Variants in RAET1G observed in about 807,000 individuals in gnomAD.
RAET1G encodes the protein retinoic acid early transcript 1G.
In RAET1G, 25 loss-of-function variants were observed where a neutral mutation model predicts 29.5. The ratio of observed to expected loss-of-function variants is 0.85; its 90% confidence interval spans 0.62 to 1.18. RAET1G has a LOEUF of 1.18. Among genes scored for constraint, RAET1G ranks in the 50% most tolerant of loss-of-function variants. The pLI, the probability that RAET1G is intolerant of heterozygous loss-of-function variation, is 0.00. For missense variants in RAET1G, 434 were observed against 423.6 expected (o/e 1.02, Z -0.22); for synonymous variants, 167 against 159.5 (o/e 1.05, Z -0.36).
intron 3 of RAET1G, chr6:149,918,821 A>C (rs1582798662): frequency 1.4e-6 from 1 of 694,228 alleles, no homozygotes; most frequent in East Asian, 2.7e-5. Context: ...CAGTGTGGGG[A>C]ACAGAAGCAA....
chr6:149,921,589 T>C (rs918944408), intron 1 of RAET1G, among the ~76,000 whole-genome samples: 1 of 152,154 alleles, frequency 6.6e-6, no homozygotes, highest in Non-Finnish European at 1.5e-5. Context: ...TGGCCCCGAT[T>C]CCCAGGACAC....
rs1778458037 is a variant in RAET1G, at chr6:149,917,034, T to C, written c.883A>G (p.Thr295Ala). The change falls in exon 5 of 5, where the codon ACT (threonine) becomes GCT (alanine). Residue 295 changes from threonine (T) to alanine (A), a missense_variant. Physicochemically the swap from Thr to Ala is moderately conservative, Grantham distance 58. Coordinates refer to ENST00000367360, the MANE Select transcript of RAET1G (RefSeq NM_001001788.4). ...AKRPLSGGHV[T>A]RVTLPIIGDD... ...CCAATGATAGGTAAAGTCACGCGAG[T>C]CACGTGTCCACCAGACAAGGGGCGC... 1.3e-6 allele frequency: 2 copies of C among 1,549,654 alleles called. No individual in the cohort carries two copies. The highest frequency in any genetic ancestry group is 2.7e-5 in the African/African-American group (2 of 72,976).
intron 3 of RAET1G, 89 bp downstream of exon 3, chr6:149,918,954 G>A (rs1307653242): frequency 1.2e-5 from 19 of 1,580,028 alleles, no homozygotes; most frequent in Non-Finnish European, 1.5e-5. Context: ...GTGTACACTG[G>A]GATGATTGAA....
intron 4 of RAET1G, among the ~76,000 whole-genome samples, chr6:149,917,346 G>A (rs1342808254): frequency 1.3e-5 from 2 of 152,192 alleles, no homozygotes; most frequent in Non-Finnish European, 2.9e-5. Context: ...CCGGGGAAAG[G>A]GAAACTCCTT....
At chr6:149,922,189 C>G (rs1778612727) in intron 1 of RAET1G, among the ~76,000 whole-genome samples, 1 of 152,204 alleles carries the variant, frequency 6.6e-6, no homozygotes, top group Non-Finnish European at 1.5e-5. Context: ...CCCATCCCCC[C>G]TGCACAGGTT....
intron 1 of RAET1G, 116 bp downstream of exon 1, chr6:149,922,810 C>G: frequency 3.0e-6 from 2 of 664,924 alleles, no homozygotes; most frequent in Non-Finnish European, 4.9e-6. Context: ...TGAGCGGGGG[C>G]GCAGTCCGGG....
intron 1 of RAET1G, among the ~76,000 whole-genome samples, chr6:149,921,376 T>G (rs1220306497): frequency 2.6e-5 from 4 of 152,202 alleles, no homozygotes; most frequent in Admixed American, 2.6e-4. Context: ...AAGTGTCTCC[T>G]GTAGAGTACT....
Position 149,919,284 on chromosome 6 carries a change from T to C in RAET1G, c.390A>G (p.Lys130=). 6.2e-7 allele frequency: 1 copy of C among 1,614,198 alleles called. No individual in the cohort carries two copies. The highest frequency in any genetic ancestry group is 8.5e-7 in the Non-Finnish European group (1 of 1,180,022). The change falls in exon 3 of 5, where the codon AAA becomes AAG. Residue 130 remains lysine (K), a synonymous_variant. Transcript: ENST00000367360. Reference sequence around the variant, plus strand: ...AAGATCCACTGCCGTGTCCTTCGGCTTTCTGCTCACAAGACATCCTGGCCT... The same window carrying C: ...AAGATCCACTGCCGTGTCCTTCGGCCTTCTGCTCACAAGACATCCTGGCCT... ...TLQARMSCEQ[K]AEGHGSGSWQ... is the part of the protein sequence containing the mutation.
chr6:149,918,411 C>A (rs147947988), intron 3 of RAET1G, 27 bp from the exon 4 acceptor site: 2 of 1,609,926 alleles, frequency 1.2e-6, no homozygotes, highest in East Asian at 2.2e-5. Flanking sequence ...AGAGTGACAA[C>A]CCTTGTCCAG....
At position 149,919,180 on chromosome 6, in the gene RAET1G, G is replaced by T; in HGVS notation, c.494C>A (p.Ala165Asp). 1 of 1,614,112 alleles carries T rather than the reference G, an allele frequency of 6.2e-7. No homozygotes were observed. Residue 165 changes from alanine to aspartate, a missense_variant, in exon 3 of 5, where the codon GCC becomes GAC. By Grantham distance (126) the Ala-to-Asp change is moderately radical. Coordinates refer to ENST00000367360, the MANE Select transcript of RAET1G (RefSeq NM_001001788.4). ...CTCCCACTTTTCTTTCATCTTTCTGGCTCCAGGATGAACCGTTGTCCACAT... is the reference window on the plus strand; with the variant it reads ...CTCCCACTTTTCTTTCATCTTTCTGTCTCCAGGATGAACCGTTGTCCACAT... ...NRMWTTVHPG[A>D]RKMKEKWEND...
At chr6:149,922,532 GT>G (rs1778618965) in intron 1 of RAET1G, among the ~76,000 whole-genome samples, 1 of 152,058 alleles carries the variant, frequency 6.6e-6, no homozygotes, top group South Asian at 2.1e-4. Context: ...GCTGGTGGGA[GT>G]GTCTGTGATT....
In RAET1G at chr6:149,919,180, G is replaced by A; in HGVS notation, c.494C>T (p.Ala165Val). Reference protein sequence around the residue: ...NRMWTTVHPGARKMKEKWEND... With the variant: ...NRMWTTVHPGVRKMKEKWEND... ...CTCCCACTTTTCTTTCATCTTTCTG[G>A]CTCCAGGATGAACCGTTGTCCACAT... The change falls in exon 3 of 5, where the codon GCC (alanine) becomes GTC (valine). Residue 165 changes from alanine (A) to valine (V), a missense_variant. By Grantham distance (64) the Ala-to-Val change is moderately conservative. Transcript: ENST00000367360. 6.2e-7 allele frequency: 1 copy of A among 1,614,112 alleles called. No individual in the cohort carries two copies.
In RAET1G at chr6:149,918,568, G is replaced by A. The variant is rs555454847; in HGVS notation, c.632-184C>T. ...AGGGGGTGTCCCTTGGCCTCAGGGAGCTCACAGAGCTGCTGAGGGAAGCAA... is the reference window on the plus strand; with the variant it reads ...AGGGGGTGTCCCTTGGCCTCAGGGAACTCACAGAGCTGCTGAGGGAAGCAA... On this transcript the variant is annotated intron_variant, in intron 3 of 4. Transcript: ENST00000367360. The A allele has an allele frequency of 1.7e-4, 118 of 702,260 alleles. No homozygotes were observed. The African/African-American group carries it at 1.9e-3, about 11-fold the overall frequency. The allele number at this position is 702,260 out of a possible 1,614,324, so 43.5% of individuals were successfully genotyped here. A position where few individuals can be genotyped will look rare whatever the true frequency, so the allele number is the denominator to read the frequency against.
At position 149,919,592 on chromosome 6, in the gene RAET1G, G is replaced by C. The variant is rs765800597; in HGVS notation, c.310C>G (p.Gln104Glu). The change falls in exon 2 of 5, where the codon CAA (glutamine) becomes GAA (glutamate). Residue 104 changes from glutamine to glutamate, a missense_variant. Gln to Glu is a conservative substitution (Grantham distance 29). Coordinates refer to ENST00000367360, the MANE Select transcript of RAET1G (RefSeq NM_001001788.4). ...TTCTCCAGCTGAATGTCAAGCAGTT[G>C]CTCTGTAAGTATGTCCACCACCTCT... Reference protein sequence around the residue: ...LREVVDILTEQLLDIQLENYI... With the variant: ...LREVVDILTEELLDIQLENYI... 3.1e-6 allele frequency: 5 copies of C among 1,614,028 alleles called. No homozygotes were observed. Among genetic ancestry groups the C allele is most frequent in the Non-Finnish European group, 4.2e-6 (5 of 1,179,880 alleles).
intron 1 of RAET1G, among the ~76,000 whole-genome samples, chr6:149,922,467 G>A (rs192553298): frequency 1.1e-4 from 16 of 152,240 alleles, no homozygotes; most frequent in Admixed American, 9.2e-4. Flanking sequence ...CGCAGCCCTG[G>A]GGGTGCTGGA....
chr6:149,922,963 C>A lies in RAET1G; in HGVS notation c.48G>T (p.Leu16=), dbSNP rs755325655. 1 of 1,605,668 alleles carries A rather than the reference C, an allele frequency of 6.2e-7. No homozygotes were observed. Among genetic ancestry groups the A allele is most frequent in the Non-Finnish European group, 8.5e-7 (1 of 1,176,846 alleles). The part of the protein sequence containing the change: ...SPAFLLRLPL[L]LLLSSWCRTG... ...TCCTGCACCAGCTGGACAGCAGGAG[C>A]AGAAGCGGGAGGCGTAGAAGGAACG... The change falls in exon 1 of 5, where the codon CTG becomes CTT. Residue 16 remains leucine (L), a synonymous_variant. Transcript: ENST00000367360.
At chr6:149,917,428 G>A (rs149677793) in intron 4 of RAET1G, among the ~76,000 whole-genome samples, 1 of 152,288 alleles carries the variant, frequency 6.6e-6, no homozygotes, top group East Asian at 1.9e-4. Flanking sequence ...GCCCACTACT[G>A]GCCCTGTCTG....
chr6:149,917,097 A>C, intron 4 of RAET1G, 23 bp from the exon 5 acceptor site: 1 of 1,523,074 alleles, frequency 6.6e-7, no homozygotes, highest in Non-Finnish European at 8.8e-7. Context: ...GAGAGAGGAC[A>C]GCTTACGTCA....
At position 149,919,276 on chromosome 6, in the gene RAET1G, C is replaced by A; in HGVS notation, c.398G>T (p.Gly133Val). 3 of 1,614,210 alleles carry A rather than the reference C, an allele frequency of 1.9e-6. No individual in the cohort carries two copies. The highest frequency in any genetic ancestry group is 2.5e-6 in the Non-Finnish European group (3 of 1,180,034). The change falls in exon 3 of 5, where the codon GGA becomes GTA. Residue 133 changes from glycine (G) to valine (V), a missense_variant. Gly to Val is a moderately radical substitution (Grantham distance 109, BLOSUM62 -3). Coordinates refer to ENST00000367360, the MANE Select transcript of RAET1G (RefSeq NM_001001788.4). ...ARMSCEQKAE[G>V]HGSGSWQLSF... ...GAGCTGCCAAGATCCACTGCCGTGT[C>A]CTTCGGCTTTCTGCTCACAAGACAT...
Sources: gnomAD v4.1 joint callset for allele counts (sites outside exome capture counted in the v4.1 genomes callset) on GRCh38, gnomAD v4.1.1 for gene constraint, MANE v1.5 for transcripts, NCBI Gene and HGNC (gene_info 2026-07-23, HGNC 2026-07-21) for gene names.